KCNQ5: variants seen among roughly 807,000 people sequenced by gnomAD.
KCNQ5 encodes potassium voltage-gated channel subfamily Q member 5, also known as potassium voltage-gated channel subfamily KQT member 5.
Under a neutral mutation model 98.2 loss-of-function variants are expected in KCNQ5, and 30 were observed. That is an observed-to-expected ratio of 0.31 (90% CI 0.23 to 0.41). The LOEUF (loss-of-function observed/expected upper bound fraction) is 0.41, where lower values mean the gene tolerates loss of function less well. KCNQ5 is among the 10% of genes least tolerant of loss of function. The probability of loss-of-function intolerance (pLI) is 1.00; values close to 1 mark genes in which losing one functional copy is unlikely to be tolerated. For missense variants in KCNQ5, 835 were observed against 1,182.5 expected, an observed-to-expected ratio of 0.71 and a Z score of 4.31; for synonymous variants, 458 against 449.4, an observed-to-expected ratio of 1.02 and a Z score of -0.24.
chr6:72,922,893 C>A (rs989145047), intron 1 of KCNQ5, among the ~76,000 whole-genome samples: 1 of 143,800 alleles, frequency 7.0e-6, no homozygotes, highest in African/African-American at 2.6e-5. Flanking sequence ...CTCACTGCAA[C>A]CTCAGCCTCC....
intron 1 of KCNQ5, among the ~76,000 whole-genome samples, chr6:72,758,139 G>T (rs1381379145): frequency 6.6e-6 from 1 of 151,956 alleles, no homozygotes; most frequent in South Asian, 2.1e-4. Flanking sequence ...GAGGAGGACG[G>T]CATTGCAAGC....
chr6:72,912,464 G>A (rs2150207129), intron 1 of KCNQ5, among the ~76,000 whole-genome samples: 1 of 152,126 alleles, frequency 6.6e-6, no homozygotes, highest in African/African-American at 2.4e-5. Flanking sequence ...TTCCTTTTTG[G>A]TTCATTTATC....
intron 1 of KCNQ5, among the ~76,000 whole-genome samples, chr6:72,636,197 A>G (rs2098924039): frequency 6.6e-6 from 1 of 152,214 alleles, no homozygotes; most frequent in South Asian, 2.1e-4. Flanking sequence ...ATAAAAATGC[A>G]CAATAAAGAA....
chr6:72,820,293 T>C (rs1775692809), intron 1 of KCNQ5, among the ~76,000 whole-genome samples: 1 of 152,136 alleles, frequency 6.6e-6, no homozygotes, highest in Admixed American at 6.6e-5. Flanking sequence ...AGAGGTTAAA[T>C]CACTTGGATG....
intron 1 of KCNQ5, among the ~76,000 whole-genome samples, chr6:73,003,487 G>T (rs1220700531): frequency 6.6e-6 from 1 of 152,100 alleles, no homozygotes; most frequent in African/African-American, 2.4e-5. Context: ...TGATAGTTTA[G>T]CAAAGTTGCC....
chr6:72,984,145 C>T (rs1438683692), intron 1 of KCNQ5, among the ~76,000 whole-genome samples: 2 of 152,198 alleles, frequency 1.3e-5, no homozygotes, highest in African/African-American at 4.8e-5. Flanking sequence ...AGCTGTCTCC[C>T]AGTTAGGCTA....
intron 1 of KCNQ5, among the ~76,000 whole-genome samples, chr6:72,884,271 A>G (rs1778765950): frequency 6.6e-6 from 1 of 152,208 alleles, no homozygotes; most frequent in Admixed American, 6.5e-5. Flanking sequence ...AGCTCATGCT[A>G]TATTAAAAAT....
intron 1 of KCNQ5, among the ~76,000 whole-genome samples, chr6:72,772,069 A>G (rs1001170185): frequency 4.6e-5 from 7 of 152,098 alleles, no homozygotes; most frequent in African/African-American, 1.7e-4. Flanking sequence ...TATGATACCG[A>G]CTTTTCACTG....
At chr6:72,729,473 A>T (rs1283612549) in intron 1 of KCNQ5, among the ~76,000 whole-genome samples, 3 of 152,160 alleles carry the variant, frequency 2.0e-5, no homozygotes, top group African/African-American at 7.2e-5. Flanking sequence ...TTTTTAGTAG[A>T]AACAGGGTTT....
chr6:72,844,747 A>G (rs1436956161), intron 1 of KCNQ5, among the ~76,000 whole-genome samples: 2 of 152,208 alleles, frequency 1.3e-5, no homozygotes, highest in Admixed American at 6.5e-5. Flanking sequence ...TATAGGAATG[A>G]CATCCCTAAC....
intron 7 of KCNQ5, among the ~76,000 whole-genome samples, chr6:73,118,016 T>C (rs1474404586): frequency 6.6e-6 from 1 of 152,110 alleles, no homozygotes; most frequent in Admixed American, 6.5e-5. Context: ...ATATAAAAAG[T>C]CCCTCAGTTT....
intron 1 of KCNQ5, among the ~76,000 whole-genome samples, chr6:72,717,183 A>C (rs903549805): frequency 5.9e-5 from 9 of 152,214 alleles, no homozygotes; most frequent in Admixed American, 1.3e-4. Context: ...AATCTAGACA[A>C]TTTGAATGTC....
intron 1 of KCNQ5, among the ~76,000 whole-genome samples, chr6:72,926,630 G>A (rs910810244): frequency 6.6e-6 from 1 of 152,026 alleles, no homozygotes; most frequent in Admixed American, 6.6e-5. Context: ...GTGAAGGTTT[G>A]AAATCCTCTT....
intron 1 of KCNQ5, among the ~76,000 whole-genome samples, chr6:72,690,370 A>T (rs930564935): frequency 1.3e-5 from 2 of 151,960 alleles, no homozygotes; most frequent in Non-Finnish European, 2.9e-5. Flanking sequence ...CTCTTCCTAA[A>T]TTTTTTTTAC....
At chr6:73,048,057 G>A (rs1772050366) in intron 3 of KCNQ5, among the ~76,000 whole-genome samples, 1 of 152,190 alleles carries the variant, frequency 6.6e-6, no homozygotes, top group African/African-American at 2.4e-5. Flanking sequence ...CACCAAATGG[G>A]CAAGGTCTTC....
chr6:73,028,327 C>T (rs78577965), intron 2 of KCNQ5, among the ~76,000 whole-genome samples: 4,501 of 152,178 alleles, frequency 0.03, 103 homozygotes, highest in Middle Eastern at 0.054. Flanking sequence ...TCATGGCTGG[C>T]CTGGAATGTA....
Position 73,195,087 on chromosome 6 carries a change from G to C in KCNQ5, c.2472G>C (p.Lys824Asn). ...TGTCTGTCTGTCCCATGGTGCCGAA[G>C]GACTTGGGCAAATCTTTGTCTGTGC... The part of the protein sequence containing the change: ...TLLSVCPMVP[K>N]DLGKSLSVQN... The change falls in exon 14 of 14, where the codon AAG (lysine) becomes AAC (asparagine). Residue 824 changes from lysine to asparagine, a missense_variant. This residue lies in a region of KCNQ5 where 416 missense variants were observed against 446.9 expected (regional missense o/e 0.93). Transcript: ENST00000370398. The C allele has an allele frequency of 6.2e-7, 1 of 1,614,212 alleles. No individual in the cohort carries two copies. The highest frequency in any genetic ancestry group is 8.5e-7 in the Non-Finnish European group (1 of 1,180,044).
chr6:72,639,392 A>C (rs137935568), intron 1 of KCNQ5, among the ~76,000 whole-genome samples: 23 of 152,326 alleles, frequency 1.5e-4, no homozygotes, highest in African/African-American at 5.5e-4. Context: ...AGTGGACAGC[A>C]TGTGCAGTGC....
At chr6:73,104,932 G>C (rs918460045) in intron 5 of KCNQ5, among the ~76,000 whole-genome samples, 8 of 152,150 alleles carry the variant, frequency 5.3e-5, no homozygotes, top group African/African-American at 1.9e-4. Context: ...ATTATTATTT[G>C]TGTACTGATC....
Sources: gnomAD v4.1 joint callset for allele counts (sites outside exome capture counted in the v4.1 genomes callset) on GRCh38, gnomAD v4.1.1 for gene constraint, gnomAD v4.1.1 regional missense constraint, MANE v1.5 for transcripts, NCBI Gene and HGNC (gene_info 2026-07-23, HGNC 2026-07-21) for gene names.